The following ABTB3 variants were observed in gnomAD, a reference collection of about 807,000 sequenced individuals.
The protein encoded by ABTB3 is ankyrin repeat- and BTB/POZ domain-containing protein 3.
the ABTB3 span, among the ~76,000 whole-genome samples, chr12:107,496,762 G>A: frequency 3.9e-5 from 6 of 152,206 alleles, no homozygotes; most frequent in East Asian, 3.9e-4. Context: ...CCCACTTTAC[G>A]GAAGAGGAAA....
the ABTB3 span, among the ~76,000 whole-genome samples, chr12:107,481,139 T>C: frequency 6.6e-6 from 1 of 152,174 alleles, no homozygotes; most frequent in Non-Finnish European, 1.5e-5. Context: ...ATCGGACTTA[T>C]GGTATCAATA....
chr12:107,490,205 G>T, the ABTB3 span, among the ~76,000 whole-genome samples: 6 of 152,118 alleles, frequency 3.9e-5, no homozygotes, highest in African/African-American at 1.4e-4. Flanking sequence ...CACCGCCCAG[G>T]TTCCTGAAGG....
chr12:107,451,700 G>T, the ABTB3 span, among the ~76,000 whole-genome samples: 1 of 150,550 alleles, frequency 6.6e-6, no homozygotes, highest in African/African-American at 2.5e-5. Flanking sequence ...TCCTGAACAG[G>T]CAGCTGAACT....
chr12:107,646,555 A>G, the ABTB3 span, among the ~76,000 whole-genome samples: 1 of 152,070 alleles, frequency 6.6e-6, no homozygotes, highest in Non-Finnish European at 1.5e-5. Context: ...AGGGTGGGAG[A>G]GGGGAGGGTA....
the ABTB3 span, among the ~76,000 whole-genome samples, chr12:107,468,370 G>A: frequency 1.3e-5 from 2 of 152,112 alleles, no homozygotes; most frequent in African/African-American, 4.8e-5. Flanking sequence ...GTGGCCTTGT[G>A]AGTATAAAGA....
At chr12:107,521,193 C>T in the ABTB3 span, among the ~76,000 whole-genome samples, 3 of 151,460 alleles carry the variant, frequency 2.0e-5, no homozygotes, top group Non-Finnish European at 2.9e-5. Flanking sequence ...CTACAAGGAT[C>T]AATAAATGAC....
the ABTB3 span, among the ~76,000 whole-genome samples, chr12:107,406,007 G>A: frequency 2.0e-5 from 3 of 152,194 alleles, no homozygotes; most frequent in South Asian, 4.1e-4. Flanking sequence ...GCAGCTTAGG[G>A]TTGTGGTTAC....
chr12:107,348,308 C>T, the ABTB3 span, among the ~76,000 whole-genome samples: 1 of 152,054 alleles, frequency 6.6e-6, no homozygotes, highest in Non-Finnish European at 1.5e-5. Flanking sequence ...CACACACACA[C>T]ACATACATAT....
chr12:107,658,044 T>C, the ABTB3 span: 3 of 354,270 alleles, frequency 8.5e-6, no homozygotes, highest in Non-Finnish European at 1.6e-5. Flanking sequence ...AGGTTCCAGG[T>C]TGACAGTTGG....
chr12:107,388,542 C>T, the ABTB3 span, among the ~76,000 whole-genome samples: 1 of 151,094 alleles, frequency 6.6e-6, no homozygotes, highest in Admixed American at 6.6e-5. Context: ...TCCTCTTCAT[C>T]TTCCTTTTCC....
At chr12:107,496,924 C>T in the ABTB3 span, among the ~76,000 whole-genome samples, 2 of 152,094 alleles carry the variant, frequency 1.3e-5, no homozygotes, top group African/African-American at 4.8e-5. Context: ...TCAATTTCCC[C>T]TCTCCCATCT....
the ABTB3 span, among the ~76,000 whole-genome samples, chr12:107,549,607 G>C: frequency 6.6e-6 from 1 of 152,188 alleles, no homozygotes; most frequent in Non-Finnish European, 1.5e-5. Context: ...GGCCCAGTAT[G>C]GGTAGAAGAT....
the ABTB3 span, chr12:107,651,798 T>C: frequency 6.2e-7 from 1 of 1,608,246 alleles, no homozygotes; most frequent in Admixed American, 1.7e-5. Context: ...GTAATCAATC[T>C]CATTCTCGCG....
At chr12:107,370,897 A>G in the ABTB3 span, among the ~76,000 whole-genome samples, 1 of 147,710 alleles carries the variant, frequency 6.8e-6, no homozygotes, top group African/African-American at 2.5e-5. Context: ...GTTGTTTTCG[A>G]CCCAGCACAC....
the ABTB3 span, among the ~76,000 whole-genome samples, chr12:107,586,849 C>G: frequency 6.6e-6 from 1 of 152,216 alleles, no homozygotes; most frequent in African/African-American, 2.4e-5. Flanking sequence ...AATGTGGTGA[C>G]TGCTCTAGAG....
the ABTB3 span, among the ~76,000 whole-genome samples, chr12:107,600,010 T>C: frequency 6.6e-6 from 1 of 152,194 alleles, no homozygotes. Flanking sequence ...CAGGTCTTAC[T>C]TGAGCCTGGA....
At chr12:107,452,059 G>T in the ABTB3 span, among the ~76,000 whole-genome samples, 2 of 152,246 alleles carry the variant, frequency 1.3e-5, no homozygotes, top group East Asian at 3.9e-4. Flanking sequence ...TCTGCCTCTT[G>T]CACTAAACTG....
the ABTB3 span, among the ~76,000 whole-genome samples, chr12:107,449,259 C>T: frequency 6.6e-5 from 10 of 152,304 alleles, no homozygotes; most frequent in South Asian, 2.1e-3. Flanking sequence ...TGGGATGGCT[C>T]TTCTTCATGC....
chr12:107,459,057 C>A, the ABTB3 span, among the ~76,000 whole-genome samples: 1 of 152,154 alleles, frequency 6.6e-6, no homozygotes, highest in Non-Finnish European at 1.5e-5. Context: ...AAAAACAATC[C>A]AATAATAATA....
Sources: allele counts gnomAD v4.1 joint callset (sites outside exome capture counted in the v4.1 genomes callset), GRCh38; gene constraint gnomAD v4.1.1; transcripts MANE v1.5; gene names NCBI Gene and HGNC (gene_info 2026-07-23, HGNC 2026-07-21).